Variants in TM2D1 observed in about 807,000 individuals in gnomAD.
TM2D1 encodes the protein TM2 domain-containing protein 1.
TM2D1 carries 15 observed loss-of-function variants against 28.4 expected under a neutral mutation model. The ratio of observed to expected loss-of-function variants is 0.53; its 90% CI spans 0.35 to 0.81. The LOEUF (loss-of-function observed/expected upper bound fraction) is 0.81, where lower values mean the gene tolerates loss of function less well. Among genes scored for constraint, TM2D1 ranks in the 40% least tolerant of loss-of-function variants. TM2D1 has a pLI of 0.01. For missense variants in TM2D1, 236 were observed against 254.9 expected (o/e 0.93, Z 0.50); for synonymous variants, 93 against 96.2 (o/e 0.97, Z 0.20).
chr1:61,715,757 T>A (rs190779867), intron 2 of TM2D1, among the ~76,000 whole-genome samples: 1 of 148,526 alleles, frequency 6.7e-6, no homozygotes, highest in African/African-American at 2.5e-5. Context: ...TTAGAAAAGG[T>A]ATTCAAAAAG....
chr1:61,708,426 T>C (rs1354982777), intron 3 of TM2D1, among the ~76,000 whole-genome samples: 3 of 152,196 alleles, frequency 2.0e-5, no homozygotes, highest in African/African-American at 7.2e-5. Context: ...TCATTTTTGC[T>C]GTTGTTTTTA....
rs1160102615 is a variant in TM2D1 at position 61,709,399 on chromosome 1, AATC to A, written c.274_276del (p.Asp92del). 7 of 1,613,436 alleles carry A rather than the reference AATC, an allele frequency of 4.3e-6. No individual in the cohort carries two copies. In the African/African-American group the frequency reaches 9.3e-5, roughly 22 times the overall value. On this transcript the variant is annotated inframe_deletion, in exon 3 of 7. Coordinates refer to ENST00000606498, the MANE Select transcript of TM2D1 (RefSeq NM_032027.3). ...GTAAAATGTGTTTCATTGCCACTGG[AATC>A]CTTACAAGTTATGTTGGGTGCTGGA...
intron 3 of TM2D1, among the ~76,000 whole-genome samples, chr1:61,707,072 T>C (rs1644446932): frequency 6.6e-6 from 1 of 151,922 alleles, no homozygotes; most frequent in African/African-American, 2.4e-5. Context: ...CTGGGCAACA[T>C]GGTGAAACCC....
chr1:61,681,279 T>G lies in TM2D1; in HGVS notation c.*91A>C, dbSNP rs927666801. The G allele has an allele frequency of 6.6e-6, 1 of 152,490 alleles. No homozygotes were observed. The highest frequency in any genetic ancestry group is 2.4e-5 in the African/African-American group (1 of 41,464). 9.4% of individuals were successfully genotyped at this position (152,490 alleles called of 1,614,324 possible). On this transcript the variant is annotated 3_prime_UTR_variant, in exon 7 of 7. Coordinates refer to ENST00000606498, the MANE Select transcript of TM2D1 (RefSeq NM_032027.3). ...ATTATACAGAACTCATAAAATGGTATATGAATGAAAAAGAGAAATCTTTAA... is the reference window on the plus strand; with the variant it reads ...ATTATACAGAACTCATAAAATGGTAGATGAATGAAAAAGAGAAATCTTTAA...
chr1:61,698,155 G>A (rs1644377150), intron 4 of TM2D1: 1 of 151,996 alleles, frequency 6.6e-6, no homozygotes, highest in African/African-American at 2.4e-5. Flanking sequence ...CATTTAGCCT[G>A]TTTCTAGTTT....
intron 2 of TM2D1, among the ~76,000 whole-genome samples, chr1:61,710,446 ATG>A (rs1305130583): frequency 3.8e-5 from 4 of 104,414 alleles, no homozygotes; most frequent in Non-Finnish European, 5.6e-5. Context: ...AAAAAAAAAA[ATG>A]TATATATATA....
intron 3 of TM2D1, among the ~76,000 whole-genome samples, chr1:61,704,570 T>G (rs1313292380): frequency 6.6e-6 from 1 of 151,996 alleles, no homozygotes; most frequent in Admixed American, 6.6e-5. Context: ...TAGCTAGGAT[T>G]ACAGGTGCCC....
At chr1:61,712,100 A>C (rs1484853409) in intron 2 of TM2D1, among the ~76,000 whole-genome samples, 2 of 152,108 alleles carry the variant, frequency 1.3e-5, no homozygotes, top group East Asian at 3.9e-4. Flanking sequence ...ACATTTGGCA[A>C]GGTCTGGAAA....
chr1:61,715,703 A>G (rs922429189), intron 2 of TM2D1, among the ~76,000 whole-genome samples: 1 of 151,448 alleles, frequency 6.6e-6, no homozygotes, highest in Non-Finnish European at 1.5e-5. Flanking sequence ...AAAGCAAAGA[A>G]AAGAAAAAGA....
Position 61,709,314 on chromosome 1 carries a change from C to G in TM2D1, c.347+15G>C. 6.5e-7 allele frequency: 1 copy of G among 1,538,630 alleles called. No homozygotes were observed. Among genetic ancestry groups the G allele is most frequent in the Non-Finnish European group, 8.9e-7 (1 of 1,117,620 alleles). On this transcript the variant is annotated intron_variant, in intron 3 of 6. Coordinates refer to ENST00000606498, the MANE Select transcript of TM2D1 (RefSeq NM_032027.3). Reference sequence around the variant, plus strand: ...GCAAGTAATCTGAAAATTTAAGTTTCAGTAATGTACTTACACATTTCGGCA... The same window carrying G: ...GCAAGTAATCTGAAAATTTAAGTTTGAGTAATGTACTTACACATTTCGGCA...
chr1:61,720,421 T>C (rs1005757772), intron 2 of TM2D1, among the ~76,000 whole-genome samples: 3 of 152,078 alleles, frequency 2.0e-5, no homozygotes, highest in African/African-American at 7.2e-5. Flanking sequence ...TTTCTATTTT[T>C]AGTAGAGACA....
intron 2 of TM2D1, among the ~76,000 whole-genome samples, chr1:61,712,605 T>G (rs559542499): frequency 6.6e-6 from 1 of 152,016 alleles, no homozygotes; most frequent in South Asian, 2.1e-4. Context: ...GAGATGGGGT[T>G]TCACCATGTT....
intron 5 of TM2D1, among the ~76,000 whole-genome samples, chr1:61,691,932 A>AAAAAAAAAAAATATATATATATATAT: frequency 1.3e-5 from 1 of 76,406 alleles, no homozygotes; most frequent in Non-Finnish European, 2.6e-5. Context: ...AAAAAAAAAA[A>AAAAAAAAAAAATATATATATATATAT]ATATATATAT....
intron 5 of TM2D1, among the ~76,000 whole-genome samples, chr1:61,687,355 CAATT>C (rs530812548): frequency 2.6e-5 from 4 of 152,134 alleles, no homozygotes; most frequent in Non-Finnish European, 4.4e-5. Flanking sequence ...ATTCTGAACA[CAATT>C]AATGCCACTA....
chr1:61,712,708 G>A (rs1056174670), intron 2 of TM2D1, among the ~76,000 whole-genome samples: 2 of 152,044 alleles, frequency 1.3e-5, no homozygotes, highest in African/African-American at 4.8e-5. Context: ...ACCGTACCCA[G>A]CCTCCAGTAT....
At chr1:61,682,245 T>C (rs1644249674) in intron 6 of TM2D1, among the ~76,000 whole-genome samples, 1 of 152,204 alleles carries the variant, frequency 6.6e-6, no homozygotes, top group Admixed American at 6.5e-5. Context: ...CTGAAAACCC[T>C]AGAACAAGGA....
At chr1:61,724,898 C>T in intron 1 of TM2D1, 59 bp downstream of exon 1, 1 of 1,514,158 alleles carries the variant, frequency 6.6e-7, no homozygotes, top group East Asian at 2.3e-5. Context: ...CGGCAGCGAC[C>T]CACCTGCGAC....
At chr1:61,717,511 AT>A (rs1321910751) in intron 2 of TM2D1, among the ~76,000 whole-genome samples, 1 of 152,206 alleles carries the variant, frequency 6.6e-6, no homozygotes, top group Non-Finnish European at 1.5e-5. Context: ...TTTAGATAAT[AT>A]CAATTCCAGC....
intron 4 of TM2D1, chr1:61,698,557 TA>T (rs34250130): frequency 3.0e-3 from 334 of 110,116 alleles, no homozygotes; most frequent in Middle Eastern, 5.6e-3. Context: ...AAACTCCGCC[TA>T]AAAAAAAAAA....
Sources: gnomAD v4.1 joint callset for allele counts (sites outside exome capture counted in the v4.1 genomes callset) on GRCh38, gnomAD v4.1.1 for gene constraint, MANE v1.5 for transcripts, NCBI Gene and HGNC (gene_info 2026-07-23, HGNC 2026-07-21) for gene names.